ESRRG: variants seen among roughly 807,000 people sequenced by gnomAD.
ESRRG encodes estrogen related receptor gamma, also known as estrogen-related receptor gamma.
In ESRRG, 13 loss-of-function variants were observed where a neutral mutation model predicts 44.0. That is an observed-to-expected ratio of 0.30 (90% CI 0.19 to 0.47). The LOEUF is 0.47. Ranked by LOEUF, ESRRG falls within the 20% of genes least tolerant of loss-of-function variation. ESRRG has a pLI of 1.00. For synonymous variants in ESRRG, 215 were observed against 214.6 expected (o/e 1.00, Z -0.02); for missense variants, 395 against 580.6 (o/e 0.68, Z 3.29).
intron 1 of ESRRG, among the ~76,000 whole-genome samples, chr1:217,106,140 T>C (rs985665069): frequency 2.0e-5 from 3 of 152,140 alleles, no homozygotes. Context: ...TGAGATAAGG[T>C]TGATGTCTTT....
intron 2 of ESRRG, among the ~76,000 whole-genome samples, chr1:216,833,999 G>A (rs751642350): frequency 3.9e-5 from 6 of 152,158 alleles, no homozygotes; most frequent in Non-Finnish European, 8.8e-5. Flanking sequence ...CAGTTATCAC[G>A]GGGACACCAT....
At chr1:217,081,221 C>CTTTTTTTTTTTTTTTTTTTTTTTT (rs143325476) in intron 1 of ESRRG, among the ~76,000 whole-genome samples, 1 of 70,410 alleles carries the variant, frequency 1.4e-5, no homozygotes, top group African/African-American at 6.0e-5. Context: ...TAAAAATATT[C>CTTTTTTTTTTTTTTTTTTTTTTTT]TTTTTTTTTT....
intron 1 of ESRRG, among the ~76,000 whole-genome samples, chr1:217,135,816 C>A (rs905122333): frequency 2.6e-5 from 4 of 152,172 alleles, no homozygotes; most frequent in South Asian, 2.1e-4. Flanking sequence ...CGGAAGCGGG[C>A]GCGGGGATTC....
chr1:216,721,079 T>A (rs1012059908), intron 1 of ESRRG, among the ~76,000 whole-genome samples: 1 of 152,264 alleles, frequency 6.6e-6, no homozygotes, highest in African/African-American at 2.4e-5. Context: ...ATTTATGCTA[T>A]CAGCTATTAC....
chr1:216,666,707 G>A (rs1052316314), intron 2 of ESRRG, among the ~76,000 whole-genome samples: 1 of 152,186 alleles, frequency 6.6e-6, no homozygotes, highest in African/African-American at 2.4e-5. Flanking sequence ...TGTAGGCAAA[G>A]AGTCAGCCAC....
At chr1:216,961,885 A>T (rs1040189037) in intron 1 of ESRRG, among the ~76,000 whole-genome samples, 1 of 152,136 alleles carries the variant, frequency 6.6e-6, no homozygotes, top group African/African-American at 2.4e-5. Flanking sequence ...ACACACATAT[A>T]CGCACACAAA....
At chr1:217,083,443 T>C (rs887458499) in intron 1 of ESRRG, among the ~76,000 whole-genome samples, 4 of 152,216 alleles carry the variant, frequency 2.6e-5, no homozygotes, top group Admixed American at 2.6e-4. Context: ...TTATCAATCA[T>C]GCACTAAACT....
chr1:216,956,807 G>T (rs34247036), intron 1 of ESRRG, among the ~76,000 whole-genome samples: 45,544 of 151,940 alleles, frequency 0.3, 8,722 homozygotes, highest in Non-Finnish European at 0.43. Context: ...AGGTTCGCAT[G>T]AACAATTCCT....
intron 6 of ESRRG, among the ~76,000 whole-genome samples, chr1:216,514,906 C>T (rs992576196): frequency 6.6e-6 from 1 of 151,768 alleles, no homozygotes; most frequent in Non-Finnish European, 1.5e-5. Flanking sequence ...AATATCAAAT[C>T]AACTAATTTA....
At chr1:216,750,580 C>T (rs1220304277) in intron 2 of ESRRG, among the ~76,000 whole-genome samples, 1 of 151,992 alleles carries the variant, frequency 6.6e-6, no homozygotes, top group African/African-American at 2.4e-5. Flanking sequence ...TTGCTAGGAT[C>T]TTGGCTTAAA....
chr1:216,999,856 T>G (rs1326887501), intron 1 of ESRRG, among the ~76,000 whole-genome samples: 1 of 152,210 alleles, frequency 6.6e-6, no homozygotes, highest in African/African-American at 2.4e-5. Flanking sequence ...ACTCAACCCT[T>G]GCATCTTCAA....
intron 1 of ESRRG, among the ~76,000 whole-genome samples, chr1:216,973,125 G>T (rs545141032): frequency 2.6e-5 from 4 of 152,048 alleles, no homozygotes; most frequent in Admixed American, 2.6e-4. Flanking sequence ...CCCCTTGTCG[G>T]TCTATTTTCT....
intron 1 of ESRRG, among the ~76,000 whole-genome samples, chr1:217,030,849 T>C (rs988850983): frequency 6.6e-6 from 1 of 152,244 alleles, no homozygotes; most frequent in African/African-American, 2.4e-5. Context: ...ATTAGTTACA[T>C]TGAAATGCTA....
intron 3 of ESRRG, among the ~76,000 whole-genome samples, chr1:216,568,717 G>T (rs1414699025): frequency 6.6e-6 from 1 of 152,112 alleles, no homozygotes; most frequent in Non-Finnish European, 1.5e-5. Flanking sequence ...TCTCATATGT[G>T]AGAAAACTGA....
Position 216,845,240 on chromosome 1 carries a change from A to C in ESRRG, c.-14+94342T>G, listed in dbSNP as rs547745802. Among the ~76,000 whole-genome samples, 18 of 152,268 alleles carry C rather than the reference A, an allele frequency of 1.2e-4. No homozygotes were observed. In the South Asian group the frequency reaches 3.7e-3, roughly 32 times the overall value. On this transcript the variant is annotated intron_variant, in intron 2 of 7. Coordinates refer to the ESRRG transcript ENST00000359162. ...TGTTCAATTTGGTGTTTTTAGTGTT[A>C]AGAACAGCACTTGGCATGTAGAAGG... is the stretch of plus-strand genomic sequence containing the variant.
intron 2 of ESRRG, among the ~76,000 whole-genome samples, chr1:216,855,841 G>A (rs1467019409): frequency 2.0e-5 from 3 of 152,132 alleles, no homozygotes; most frequent in African/African-American, 7.2e-5. Context: ...AAAGGACTGT[G>A]CAGAGTGTGT....
chr1:217,061,206 A>G (rs12144070), intron 1 of ESRRG, among the ~76,000 whole-genome samples: 29,997 of 152,014 alleles, frequency 0.2, 3,626 homozygotes, highest in Non-Finnish European at 0.27. Context: ...TGTCACAGTT[A>G]GGATAAAACA....
intron 2 of ESRRG, among the ~76,000 whole-genome samples, chr1:216,673,711 T>C (rs951918696): frequency 2.0e-5 from 3 of 152,188 alleles, no homozygotes; most frequent in Non-Finnish European, 4.4e-5. Context: ...CTATAAAATG[T>C]TTTGAGACAT....
chr1:217,112,702 A>G (rs369681951), intron 1 of ESRRG, among the ~76,000 whole-genome samples: 1 of 152,204 alleles, frequency 6.6e-6, no homozygotes, highest in African/African-American at 2.4e-5. Context: ...ATTGCTTCTC[A>G]TCTCCAGTCT....
Sources: gnomAD v4.1 joint callset for allele counts (sites outside exome capture counted in the v4.1 genomes callset) on GRCh38, gnomAD v4.1.1 for gene constraint, MANE v1.5 for transcripts, NCBI Gene and HGNC (gene_info 2026-07-23, HGNC 2026-07-21) for gene names.